Variants in ASB3 observed in about 807,000 individuals in gnomAD.
ASB3 encodes the protein ankyrin repeat and SOCS box protein 3.
In ASB3, 41 loss-of-function variants were observed where a neutral mutation model predicts 54.5. The observed-to-expected ratio is 0.75, with a 90% CI of 0.59 to 0.98. The LOEUF is 0.98. Among genes scored for constraint, ASB3 ranks in the 50% least tolerant of loss-of-function variants. ASB3 has a pLI of 0.00. For missense variants in ASB3, 733 were observed against 620.0 expected, an observed-to-expected ratio of 1.18 and a Z score of -1.94; for synonymous variants, 266 against 221.2, an observed-to-expected ratio of 1.20 and a Z score of -1.80.
At chr2:53,728,122 G>A (rs1428390863) in intron 5 of ASB3, among the ~76,000 whole-genome samples, 2 of 152,080 alleles carry the variant, frequency 1.3e-5, no homozygotes, top group African/African-American at 2.4e-5. Flanking sequence ...GTGTTTGGGA[G>A]AGATTTAAAA....
chr2:53,690,838 G>C (rs954464498), intron 9 of ASB3, among the ~76,000 whole-genome samples: 3 of 152,082 alleles, frequency 2.0e-5, no homozygotes, highest in African/African-American at 4.8e-5. Context: ...AAGATCAAGA[G>C]AGTTTCCTGG....
chr2:53,749,161 T>A (rs1672386928), intron 3 of ASB3, among the ~76,000 whole-genome samples: 1 of 151,876 alleles, frequency 6.6e-6, no homozygotes, highest in African/African-American at 2.4e-5. Flanking sequence ...ACAAAAGTAA[T>A]GAGGAAAAAG....
chr2:53,679,940 G>A lies in ASB3; in HGVS notation c.1370-9250C>T, dbSNP rs535097941. 2.6e-5 allele frequency among the ~76,000 whole-genome samples: 4 copies of A among 152,020 alleles called. No individual in the cohort carries two copies. In the East Asian group the frequency reaches 7.7e-4, roughly 29 times the overall value. On this transcript the variant is annotated intron_variant, in intron 9 of 9. Coordinates refer to ENST00000263634, the MANE Select transcript of ASB3 (RefSeq NM_016115.5). ...CACAGTGTCTGTTGTTCCCTTCTAC[G>A]TGTCCCTAGGTTCTCATCATTTTGC...
At chr2:53,670,856 T>C (rs1023881495) in intron 9 of ASB3, among the ~76,000 whole-genome samples, 166 bp from the exon 10 acceptor site, 1 of 152,244 alleles carries the variant, frequency 6.6e-6, no homozygotes, top group African/African-American at 2.4e-5. Flanking sequence ...ATTTATTCTT[T>C]TCTACAGCCT....
chr2:53,738,185 T>C (rs1343132919), intron 3 of ASB3, among the ~76,000 whole-genome samples: 1 of 152,182 alleles, frequency 6.6e-6, no homozygotes, highest in Non-Finnish European at 1.5e-5. Context: ...AAAAATTCAG[T>C]TGTGACTTTT....
chr2:53,759,569 G>A (rs1673025815), intron 2 of ASB3, among the ~76,000 whole-genome samples: 1 of 152,040 alleles, frequency 6.6e-6, no homozygotes, highest in Non-Finnish European at 1.5e-5. Flanking sequence ...AGGCAGAACG[G>A]GATAAACGGG....
intron 7 of ASB3, among the ~76,000 whole-genome samples, chr2:53,703,651 C>G (rs907223345): frequency 6.6e-6 from 1 of 152,086 alleles, no homozygotes; most frequent in Non-Finnish European, 1.5e-5. Context: ...TTTTCATCAC[C>G]TTTTGGTGTT....
chr2:53,674,080 G>A (rs750568008), intron 9 of ASB3, among the ~76,000 whole-genome samples: 2 of 152,146 alleles, frequency 1.3e-5, no homozygotes, highest in African/African-American at 4.8e-5. Flanking sequence ...TTCCAGACGT[G>A]TTGCCACTAG....
At chr2:53,677,022 G>C (rs541964362) in intron 9 of ASB3, among the ~76,000 whole-genome samples, 27 of 152,300 alleles carry the variant, frequency 1.8e-4, no homozygotes, top group Non-Finnish European at 3.5e-4. Flanking sequence ...ACCCGCCTCA[G>C]CCTCCCAAAG....
intron 8 of ASB3, among the ~76,000 whole-genome samples, chr2:53,697,026 CA>C (rs1358869470): frequency 6.6e-6 from 1 of 152,168 alleles, no homozygotes; most frequent in Non-Finnish European, 1.5e-5. Context: ...GAGGTCCGCA[CA>C]AGATACAGGT....
At chr2:53,786,362 C>G (rs943087530) in intron 1 of ASB3, 2 of 152,192 alleles carry the variant, frequency 1.3e-5, no homozygotes, top group Non-Finnish European at 2.9e-5. Context: ...TGATGTCTAG[C>G]TGCCCATTCC....
chr2:53,764,804 T>A (rs1673344658), intron 2 of ASB3, among the ~76,000 whole-genome samples: 1 of 152,246 alleles, frequency 6.6e-6, no homozygotes, highest in Admixed American at 6.5e-5. Context: ...GTCTATCCCA[T>A]CTGTTTTATT....
At chr2:53,741,386 C>T (rs954174668) in intron 3 of ASB3, among the ~76,000 whole-genome samples, 4 of 152,212 alleles carry the variant, frequency 2.6e-5, no homozygotes, top group Admixed American at 2.6e-4. Context: ...TGTTATCAGT[C>T]CTCAACAAGG....
chr2:53,746,574 A>G (rs1672238716), intron 3 of ASB3, among the ~76,000 whole-genome samples: 1 of 149,760 alleles, frequency 6.7e-6, no homozygotes, highest in Non-Finnish European at 1.5e-5. Flanking sequence ...GCCCTCCCGG[A>G]TTCAAGTGAT....
At chr2:53,705,531 A>T (rs1038160119) in intron 7 of ASB3, among the ~76,000 whole-genome samples, 2 of 152,106 alleles carry the variant, frequency 1.3e-5, no homozygotes, top group African/African-American at 4.8e-5. Context: ...GTTTTATAGC[A>T]TTTTGATTTT....
At chr2:53,713,090 T>A (rs776662575) in intron 7 of ASB3, among the ~76,000 whole-genome samples, 5 of 152,182 alleles carry the variant, frequency 3.3e-5, no homozygotes, top group Non-Finnish European at 5.9e-5. Flanking sequence ...TATAATCCCA[T>A]CACTTTTGGA....
chr2:53,757,142 G>C (rs1215138278), intron 2 of ASB3, among the ~76,000 whole-genome samples: 1 of 152,180 alleles, frequency 6.6e-6, no homozygotes, highest in Admixed American at 6.5e-5. Flanking sequence ...AGTAATATTG[G>C]ACCACTTTCA....
chr2:53,741,894 A>G (rs1248605370), intron 3 of ASB3, among the ~76,000 whole-genome samples: 1 of 152,190 alleles, frequency 6.6e-6, no homozygotes, highest in African/African-American at 2.4e-5. Context: ...AAAATTTGTA[A>G]AAGGGGCTCC....
At chr2:53,776,782 G>T (rs954795607) in intron 1 of ASB3, among the ~76,000 whole-genome samples, 1 of 152,140 alleles carries the variant, frequency 6.6e-6, no homozygotes, top group African/African-American at 2.4e-5. Context: ...TCACACCACT[G>T]CACTCCAGGC....
Sources: gnomAD v4.1 joint callset for allele counts (sites outside exome capture counted in the v4.1 genomes callset) on GRCh38, gnomAD v4.1.1 for gene constraint, MANE v1.5 for transcripts, NCBI Gene and HGNC (gene_info 2026-07-23, HGNC 2026-07-21) for gene names.